SDK2: variants seen among roughly 807,000 people sequenced by gnomAD.
SDK2 encodes the protein sidekick cell adhesion molecule 2.
A neutral mutation model predicts 253.9 loss-of-function variants in SDK2; 105 were observed. That is an observed-to-expected ratio of 0.41 (90% CI 0.35 to 0.49). The LOEUF is 0.49. Ranked by LOEUF, SDK2 falls within the 20% of genes least tolerant of loss-of-function variation. The probability of loss-of-function intolerance (pLI) is 0.06; values close to 1 mark genes in which losing one functional copy is unlikely to be tolerated. For synonymous variants in SDK2, 1,249 were observed against 1,234.9 expected (o/e 1.01, Z -0.24); for missense variants, 2,608 against 3,003.0 (o/e 0.87, Z 3.07).
chr17:73,379,456 C>T lies in SDK2; in HGVS notation c.4856G>A (p.Gly1619Glu). The T allele has an allele frequency of 6.2e-7, 1 of 1,605,812 alleles. No homozygotes were observed. The highest frequency in any genetic ancestry group is 8.5e-7 in the Non-Finnish European group (1 of 1,175,544). Residue 1619 changes from glycine (G) to glutamate (E), a missense_variant, in exon 35 of 45, where the codon GGG becomes GAG. By Grantham distance (98) the Gly-to-Glu change is moderately conservative (BLOSUM62 -2). Transcript: ENST00000392650. This position sits in a 1 kb window ranked among gnomAD's most constrained non-coding sequence, Gnocchi z 4.5. ...PSSPPQEVFV[G>E]EAVPTAAPRN... ...GGGCGGGCGCTGCTCACCTGCCTCC[C>T]CAACAAAGACCTCCTGCGGGGGGCT...
chr17:73,643,828 T>A lies in SDK2; in HGVS notation c.64+197A>T, dbSNP rs1489907347. Among the ~76,000 whole-genome samples, 1 of 151,634 alleles carries A rather than the reference T, an allele frequency of 6.6e-6. No individual in the cohort carries two copies. Among genetic ancestry groups the A allele is most frequent in the Non-Finnish European group, 1.5e-5 (1 of 67,898 alleles). On this transcript the variant is annotated intron_variant, in intron 1 of 44. Transcript: ENST00000392650. This position sits in a 1 kb window ranked among gnomAD's most constrained non-coding sequence, Gnocchi z 6.9. The stretch of plus-strand genomic sequence containing the variant: ...CCTTCCCCCATTCGGAAGCCACAAG[T>A]CTCGGAGAGACTGCCCCACCCCCAA...
chr17:73,520,769 A>T (rs1531861), intron 1 of SDK2: 8 of 152,254 alleles, frequency 5.3e-5, no homozygotes, highest in African/African-American at 1.7e-4. Context: ...GGGCTCCAGC[A>T]GCAGCTCCTT....
intron 1 of SDK2, among the ~76,000 whole-genome samples, chr17:73,508,527 C>T (rs1030855729): frequency 1.3e-5 from 2 of 152,120 alleles, no homozygotes; most frequent in African/African-American, 2.4e-5. Context: ...AGGGTGGGGC[C>T]GGGCGGCAGG....
intron 36 of SDK2, among the ~76,000 whole-genome samples, chr17:73,375,113 C>T (rs2062766735): frequency 1.3e-5 from 2 of 152,010 alleles, no homozygotes; most frequent in Admixed American, 1.3e-4. Context: ...AAGTACCTGT[C>T]TACCCTGAGA....
intron 1 of SDK2, among the ~76,000 whole-genome samples, chr17:73,619,020 A>ATTTTT (rs2046094797): frequency 6.6e-6 from 1 of 152,120 alleles, no homozygotes; most frequent in South Asian, 2.1e-4. Context: ...TACAAAAATT[A>ATTTTT]GCTGAGTGTG....
chr17:73,606,056 A>G (rs966099994), intron 1 of SDK2, among the ~76,000 whole-genome samples: 2 of 151,800 alleles, frequency 1.3e-5, no homozygotes, highest in Non-Finnish European at 2.9e-5. Flanking sequence ...TGCTGATGGG[A>G]TCTCACTAGC....
intron 37 of SDK2, among the ~76,000 whole-genome samples, chr17:73,366,192 G>A (rs1029101366): frequency 6.6e-6 from 1 of 152,208 alleles, no homozygotes; most frequent in African/African-American, 2.4e-5. Context: ...GTCTTTGAAG[G>A]AGGGAGGTGA....
At chr17:73,422,982 T>C (rs2063245105) in intron 14 of SDK2, among the ~76,000 whole-genome samples, 1 of 151,668 alleles carries the variant, frequency 6.6e-6, no homozygotes, top group Admixed American at 6.6e-5. Context: ...GATGGCACCA[T>C]TGCACTCCAG....
chr17:73,513,035 C>G (rs539523020), intron 1 of SDK2, among the ~76,000 whole-genome samples: 36 of 151,752 alleles, frequency 2.4e-4, no homozygotes, highest in Non-Finnish European at 4.7e-4. Flanking sequence ...TAAAAATATA[C>G]TGTCTTGGCA....
At chr17:73,494,323 G>A (rs2063827124) in intron 2 of SDK2, among the ~76,000 whole-genome samples, 1 of 152,104 alleles carries the variant, frequency 6.6e-6, no homozygotes, top group Admixed American at 6.5e-5. Flanking sequence ...GCTTGGCCTG[G>A]ATGCCAGCTG....
At chr17:73,377,891 T>C (rs1468218523) in intron 36 of SDK2, among the ~76,000 whole-genome samples, 1 of 152,036 alleles carries the variant, frequency 6.6e-6, no homozygotes, top group African/African-American at 2.4e-5. Context: ...GGATTACAGG[T>C]GTGAGCCACC....
Position 73,435,558 on chromosome 17 carries a change from C to A in SDK2, c.1087G>T (p.Gly363Trp). The change falls in exon 9 of 45, where the codon GGG becomes TGG. Residue 363 changes from glycine to tryptophan, a missense_variant. Around this residue, in one of 2 missense-constraint regions of SDK2, gnomAD observed 1,505 missense variants for 1,859.1 expected, o/e 0.81. Coordinates refer to ENST00000392650, the MANE Select transcript of SDK2 (RefSeq NM_001144952.2). The surrounding 1 kb of genome is among the most constrained non-coding windows in gnomAD (Gnocchi z 5.7). ...ACCAGGCCGCTGATCTGCAGGCCCC[C>A]GTCGTTGCGCTGCCGGAAGCGGGTC... ...KLTRFRQRNDGGLQISGLVPD... is the reference protein window; with the variant it reads ...KLTRFRQRNDWGLQISGLVPD... The A allele has an allele frequency of 6.3e-7, 1 of 1,589,582 alleles. No individual in the cohort carries two copies. The highest frequency in any genetic ancestry group is 8.6e-7 in the Non-Finnish European group (1 of 1,168,268).
intron 28 of SDK2, among the ~76,000 whole-genome samples, 162 bp from the exon 29 acceptor site, chr17:73,390,643 C>T (rs1439997390): frequency 6.6e-6 from 1 of 152,236 alleles, no homozygotes; most frequent in African/African-American, 2.4e-5. Context: ...CTGGGTCACT[C>T]TCCAGTCTTC....
intron 44 of SDK2, among the ~76,000 whole-genome samples, chr17:73,345,540 G>A (rs1165218364): frequency 5.3e-5 from 8 of 152,142 alleles, no homozygotes. Flanking sequence ...TCCATTTTGT[G>A]GGTACAGAAC....
Position 73,423,923 on chromosome 17 carries a change from G to A in SDK2, c.1753C>T (p.Arg585Ter), listed in dbSNP as rs892657172. 18 of 1,573,994 alleles carry A rather than the reference G, an allele frequency of 1.1e-5. No homozygotes were observed. The highest frequency in any genetic ancestry group is 1.5e-5 in the Non-Finnish European group (17 of 1,158,782). Residue 585 changes from arginine (R) to a stop codon, truncating the protein, a stop_gained, in exon 13 of 45, where the codon CGA (arginine) becomes TGA (stop). Coordinates refer to ENST00000392650, the MANE Select transcript of SDK2 (RefSeq NM_001144952.2). LOFTEE classifies it high-confidence loss of function. ...TGGGAGGGCTGCCCTTACCTGACTC[G>A]CAGGTGGGCACTGCGAGAGTCGTTG... ...GGNDSRSAHL[R>*]VRQLPHAPEH...
At chr17:73,479,771 A>G (rs1200412344) in intron 2 of SDK2, among the ~76,000 whole-genome samples, 1 of 152,110 alleles carries the variant, frequency 6.6e-6, no homozygotes, top group African/African-American at 2.4e-5. Flanking sequence ...GCTCACTGCA[A>G]CCTCCGTCTC....
chr17:73,507,679 A>G, intron 1 of SDK2, 82 bp from the exon 2 acceptor site: 8 of 1,408,316 alleles, frequency 5.7e-6, no homozygotes, highest in Non-Finnish European at 7.6e-6. Context: ...TAAGGCCCTT[A>G]GGCAGATGGA....
chr17:73,455,129 C>T lies in SDK2; in HGVS notation c.479+777G>A, dbSNP rs151266463. Among the ~76,000 whole-genome samples, 204 of 152,338 alleles carry T rather than the reference C, an allele frequency of 1.3e-3. 2 individuals carry two copies. Among genetic ancestry groups the T allele is most frequent in the South Asian group, 8.3e-3 (40 of 4,824 alleles). On this transcript the variant is annotated intron_variant, in intron 4 of 44. Coordinates refer to ENST00000392650, the MANE Select transcript of SDK2 (RefSeq NM_001144952.2). The surrounding 1 kb of genome is among the most constrained non-coding windows in gnomAD (Gnocchi z 5.0). ...CTCTCTACAGAGACCAGGACAGGCTCAGTCCTGTGTACACGCAGCCTGGGT... is the reference window on the plus strand; with the variant it reads ...CTCTCTACAGAGACCAGGACAGGCTTAGTCCTGTGTACACGCAGCCTGGGT...
intron 1 of SDK2, among the ~76,000 whole-genome samples, chr17:73,558,238 T>C (rs555897250): frequency 1.3e-5 from 2 of 152,348 alleles, no homozygotes; most frequent in South Asian, 4.1e-4. Context: ...ACTGAGCACA[T>C]GTCAGAGGGG....
Sources: allele counts gnomAD v4.1 joint callset (sites outside exome capture counted in the v4.1 genomes callset), GRCh38; gene constraint gnomAD v4.1.1; regional missense constraint gnomAD v4.1.1; non-coding constraint Gnocchi (gnomAD v3.1); transcripts MANE v1.5; gene names NCBI Gene and HGNC (gene_info 2026-07-23, HGNC 2026-07-21).